The following CFAP91 variants were observed in gnomAD, a reference collection of about 807,000 sequenced individuals.
CFAP91 encodes cilia- and flagella-associated protein 91.
In CFAP91, 85 loss-of-function variants were observed where a neutral mutation model predicts 95.9. The ratio of observed to expected loss-of-function variants is 0.89; its 90% CI spans 0.74 to 1.06. The LOEUF is 1.06. Ranked by LOEUF, CFAP91 falls within the 50% of genes least tolerant of loss-of-function variation. The probability of loss-of-function intolerance (pLI) is 0.00; values close to 1 mark genes in which losing one functional copy is unlikely to be tolerated. For missense variants in CFAP91, 962 were observed against 943.4 expected, an observed-to-expected ratio of 1.02 and a Z score of -0.26; for synonymous variants, 335 against 327.5, an observed-to-expected ratio of 1.02 and a Z score of -0.25.
intron 13 of CFAP91, among the ~76,000 whole-genome samples, chr3:119,743,544 A>G (rs1239192909): frequency 2.6e-5 from 4 of 152,248 alleles, no homozygotes; most frequent in Admixed American, 6.5e-5. Context: ...AAGGAAAGAT[A>G]TTGAAAAATT....
intron 2 of CFAP91, 122 bp downstream of exon 2, chr3:119,707,007 C>A (rs2053377431): frequency 2.6e-6 from 2 of 764,064 alleles, no homozygotes; most frequent in South Asian, 3.4e-5. Flanking sequence ...ACAGAAATTA[C>A]CTTGCCAAGA....
chr3:119,725,417 GGTGAATT>G (rs1384623393), intron 6 of CFAP91, among the ~76,000 whole-genome samples: 1 of 152,188 alleles, frequency 6.6e-6, no homozygotes, highest in Non-Finnish European at 1.5e-5. Context: ...ACCCAAAGAT[GGTGAATT>G]CTCAGCTAGT....
chr3:119,743,906 A>G, intron 13 of CFAP91, 69 bp from the exon 14 acceptor site: 3 of 1,357,104 alleles, frequency 2.2e-6, no homozygotes. Flanking sequence ...TGAGTAATCC[A>G]GCACTTCTTC....
At chr3:119,736,260 T>C (rs2054001632) in intron 10 of CFAP91, among the ~76,000 whole-genome samples, 1 of 147,906 alleles carries the variant, frequency 6.8e-6, no homozygotes, top group African/African-American at 2.5e-5. Flanking sequence ...TTCTACTTTC[T>C]TTCTATTGTT....
chr3:119,708,762 G>A, intron 4 of CFAP91, 88 bp downstream of exon 4: 1 of 790,928 alleles, frequency 1.3e-6, no homozygotes, highest in Admixed American at 2.5e-5. Context: ...ATTTTTCAGT[G>A]CATACAACGT....
At chr3:119,762,747 T>C (rs2054560491) in intron 17 of CFAP91, among the ~76,000 whole-genome samples, 1 of 152,070 alleles carries the variant, frequency 6.6e-6, no homozygotes, top group Non-Finnish European at 1.5e-5. Context: ...TAAATGATGC[T>C]GAGAAAACTG....
At chr3:119,715,177 CAG>C (rs753572658) in intron 5 of CFAP91, among the ~76,000 whole-genome samples, 49 of 152,204 alleles carry the variant, frequency 3.2e-4, no homozygotes, top group African/African-American at 7.0e-4. Context: ...TGGAGGGAAA[CAG>C]AGAGTGGTAT....
chr3:119,744,239 G>A, intron 14 of CFAP91, 43 bp downstream of exon 14: 1 of 1,495,254 alleles, frequency 6.7e-7, no homozygotes, highest in Non-Finnish European at 9.1e-7. Context: ...CCTAGAAGGA[G>A]CCAAGTCAAA....
At chr3:119,711,037 T>G (rs2053462296) in intron 5 of CFAP91, among the ~76,000 whole-genome samples, 1 of 152,246 alleles carries the variant, frequency 6.6e-6, no homozygotes, top group Non-Finnish European at 1.5e-5. Flanking sequence ...AGGTCTCATA[T>G]TTCTGAATAC....
chr3:119,747,415 C>A, intron 15 of CFAP91, 152 bp downstream of exon 15: 1 of 801,580 alleles, frequency 1.2e-6, no homozygotes, highest in Non-Finnish European at 1.9e-6. Flanking sequence ...TCTTGAGAAG[C>A]CAATATGTGT....
Position 119,707,526 on chromosome 3 carries a change from G to T in CFAP91, c.324G>T (p.Lys108Asn). The T allele has an allele frequency of 6.3e-7, 1 of 1,590,916 alleles. No homozygotes were observed. Among genetic ancestry groups the T allele is most frequent in the Non-Finnish European group, 8.6e-7 (1 of 1,164,146 alleles). The change falls in exon 3 of 18, where the codon AAG becomes AAT. Residue 108 changes from lysine to asparagine, a missense_variant. By Grantham distance (94) the Lys-to-Asn change is moderately conservative (BLOSUM62 0). Coordinates refer to ENST00000273390, the MANE Select transcript of CFAP91 (RefSeq NM_033364.4). Reference protein sequence around the residue: ...PFISREWKGHKEKHREALRQL... With the variant: ...PFISREWKGHNEKHREALRQL... ...TCAGTCGGGAATGGAAGGGACATAA[G>T]GAGAAACACAGAGAAGCCCTCCGGC...
chr3:119,706,679 T>C (rs1301517875), intron 1 of CFAP91, 130 bp from the exon 2 acceptor site: 2 of 682,954 alleles, frequency 2.9e-6, no homozygotes, highest in East Asian at 2.7e-5. Context: ...CATGAGCTGC[T>C]GCAGAGTCAG....
In CFAP91 at chr3:119,738,332, C is replaced by CTTTTTTTTTTTTTT. The variant is rs556125660; in HGVS notation, c.1461+871_1461+884dup. On this transcript the variant is annotated intron_variant, in intron 11 of 17. Transcript: ENST00000273390. ...TGCAGGGCTTTGGTTGACATATTGT[C>CTTTTTTTTTTTTTT]TTTTTTTTTTTTTTTTTTTTTTTTT... Among the ~76,000 whole-genome samples the CTTTTTTTTTTTTTT allele has an allele frequency of 1.7e-3, 39 of 23,074 alleles. 11 individuals carry two copies. Among genetic ancestry groups the CTTTTTTTTTTTTTT allele is most frequent in the East Asian group, 0.016 (8 of 498 alleles). 15.1% of individuals were successfully genotyped at this position (23,074 alleles called of 152,430 possible). A position where few individuals can be genotyped will look rare whatever the true frequency, so the allele number is the denominator to read the frequency against.
chr3:119,722,365 A>AGG (rs770295380), intron 6 of CFAP91, among the ~76,000 whole-genome samples: 5 of 152,146 alleles, frequency 3.3e-5, no homozygotes, highest in Non-Finnish European at 7.4e-5. Flanking sequence ...AGGCTGAGGC[A>AGG]GGAGAATCAC....
intron 17 of CFAP91, among the ~76,000 whole-genome samples, chr3:119,762,687 T>G (rs1476148526): frequency 6.6e-6 from 1 of 152,084 alleles, no homozygotes; most frequent in Non-Finnish European, 1.5e-5. Flanking sequence ...TCAATTGATT[T>G]TTGACAGAGG....
At chr3:119,711,720 G>C (rs1426691536) in intron 5 of CFAP91, among the ~76,000 whole-genome samples, 1 of 152,216 alleles carries the variant, frequency 6.6e-6, no homozygotes, top group South Asian at 2.1e-4. Context: ...ATCAGGGATG[G>C]AATTGTCTTG....
chr3:119,707,081 A>G (rs1248603571), intron 2 of CFAP91, 196 bp downstream of exon 2: 1 of 572,666 alleles, frequency 1.7e-6, no homozygotes, highest in Non-Finnish European at 3.1e-6. Flanking sequence ...ACCAATAATG[A>G]ACAGAGAACC....
At chr3:119,757,711 A>C (rs2054459946) in intron 17 of CFAP91, among the ~76,000 whole-genome samples, 1 of 152,156 alleles carries the variant, frequency 6.6e-6, no homozygotes, top group African/African-American at 2.4e-5. Context: ...AACTTGGCCT[A>C]ATGGACATTT....
At position 119,747,262 on chromosome 3, in the gene CFAP91, C is replaced by T. The variant is rs755360330; in HGVS notation, c.2050C>T (p.Arg684Cys). Residue 684 changes from arginine (R) to cysteine (C), a missense_variant and splice_region_variant, in exon 15 of 18, where the codon CGC (arginine) becomes TGC (cysteine). Coordinates refer to ENST00000273390, the MANE Select transcript of CFAP91 (RefSeq NM_033364.4). Reference sequence around the variant, plus strand: ...TGACATTGCTTATGAAATGGAAAGCCGGTGTGTATCAAGAGAACAGATTGT... The same window carrying T: ...TGACATTGCTTATGAAATGGAAAGCTGGTGTGTATCAAGAGAACAGATTGT... ...INDIAYEMES[R>C]RTYLQSEEIV... 70 of 1,612,104 alleles carry T rather than the reference C, an allele frequency of 4.3e-5. No homozygotes were observed. The highest frequency in any genetic ancestry group is 6.7e-5 in the African/African-American group (5 of 74,756).
Sources: allele counts gnomAD v4.1 joint callset (sites outside exome capture counted in the v4.1 genomes callset), GRCh38; gene constraint gnomAD v4.1.1; transcripts MANE v1.5; gene names NCBI Gene and HGNC (gene_info 2026-07-23, HGNC 2026-07-21).